Variants in SLIT2 observed in about 807,000 individuals in gnomAD.
SLIT2 encodes slit guidance ligand 2.
SLIT2 carries 41 observed loss-of-function variants against 185.7 expected under a neutral mutation model. That is an observed-to-expected ratio of 0.22 (90% CI 0.17 to 0.29). SLIT2 has a LOEUF of 0.29. SLIT2 is among the 10% of genes least tolerant of loss of function. SLIT2 has a pLI of 1.00. For synonymous variants in SLIT2, 693 were observed against 680.2 expected (o/e 1.02, Z -0.29); for missense variants, 1,571 against 1,909.0 (o/e 0.82, Z 3.30).
intron 26 of SLIT2, among the ~76,000 whole-genome samples, chr4:20,561,492 G>A (rs563260394): frequency 4.0e-5 from 6 of 151,816 alleles, no homozygotes; most frequent in East Asian, 3.9e-4. Context: ...GTCGTTAGTC[G>A]TTGAATTAAG....
intron 4 of SLIT2, among the ~76,000 whole-genome samples, chr4:20,381,725 G>T (rs1236599156): frequency 6.6e-6 from 1 of 152,078 alleles, no homozygotes; most frequent in Non-Finnish European, 1.5e-5. Context: ...AAGGCTGTAT[G>T]TCTTCATTGG....
chr4:20,267,767 G>A (rs778546796), intron 3 of SLIT2, among the ~76,000 whole-genome samples: 1 of 151,782 alleles, frequency 6.6e-6, no homozygotes, highest in African/African-American at 2.4e-5. Flanking sequence ...AGATTGATAT[G>A]CCCTCTTTTC....
In SLIT2 at chr4:20,440,088, A is replaced by G. The variant is rs537683732; in HGVS notation, c.396-27664A>G. Among the ~76,000 whole-genome samples the G allele has an allele frequency of 2.0e-5, 3 of 152,356 alleles. No homozygotes were observed. In the South Asian group the frequency reaches 6.2e-4, roughly 32 times the overall value. The stretch of plus-strand genomic sequence containing the variant: ...CAATTAATTGTTAAAAGTTCCAACT[A>G]TGAAATTTTGCTTTGGAAAGCAGTC... On this transcript the variant is annotated intron_variant, in intron 4 of 36. Coordinates refer to ENST00000504154, the MANE Select transcript of SLIT2 (RefSeq NM_004787.4).
intron 4 of SLIT2, among the ~76,000 whole-genome samples, chr4:20,288,218 A>C (rs993742321): frequency 2.6e-5 from 4 of 152,190 alleles, no homozygotes; most frequent in Non-Finnish European, 4.4e-5. Context: ...TACAGAGCCA[A>C]GTTTTTGTGG....
At chr4:20,380,462 A>C (rs1427805533) in intron 4 of SLIT2, among the ~76,000 whole-genome samples, 1 of 152,176 alleles carries the variant, frequency 6.6e-6, no homozygotes, top group Non-Finnish European at 1.5e-5. Context: ...CAATAGAAAA[A>C]GTTTCAGATA....
intron 4 of SLIT2, chr4:20,393,398 C>T (rs887891265): frequency 1.3e-5 from 2 of 151,996 alleles, no homozygotes; most frequent in Admixed American, 1.3e-4. Flanking sequence ...AAGCATTCTC[C>T]GAATATGATA....
chr4:20,365,930 G>A (rs1723082002), intron 4 of SLIT2, among the ~76,000 whole-genome samples: 1 of 152,102 alleles, frequency 6.6e-6, no homozygotes, highest in South Asian at 2.1e-4. Context: ...ATGTAGCTGT[G>A]TCTTAACACT....
intron 6 of SLIT2, among the ~76,000 whole-genome samples, chr4:20,482,766 T>G (rs560158943): frequency 3.5e-4 from 53 of 152,062 alleles, no homozygotes; most frequent in Middle Eastern, 6.8e-3. Flanking sequence ...CAATGTAAAT[T>G]TCTTCTAAAA....
Position 20,279,236 on chromosome 4 carries a change from T to C in SLIT2, c.395+10355T>C, listed in dbSNP as rs560777848. ...GTACTTGGCAGTGATTAGTTAAAAT[T>C]AACCTCCCATTTATATCACACTCTT... is the stretch of plus-strand genomic sequence containing the variant. On this transcript the variant is annotated intron_variant, in intron 4 of 36. Transcript: ENST00000504154. 6.4e-4 allele frequency among the ~76,000 whole-genome samples: 97 copies of C among 152,198 alleles called. No individual in the cohort carries two copies. In the South Asian group the frequency reaches 0.02, roughly 31 times the overall value.
chr4:20,563,840 T>G lies in SLIT2; in HGVS notation c.2726-3422T>G, dbSNP rs74990208. On this transcript the variant is annotated intron_variant, in intron 26 of 36. Transcript: ENST00000504154. ...GTACTTGCCGTAATTTTGTATTTGA[T>G]CTCACTAGGTTCCCTCCTTGACATT... 1.6e-3 allele frequency among the ~76,000 whole-genome samples: 249 copies of G among 151,880 alleles called. 7 individuals are homozygous for G. In the East Asian group the frequency reaches 0.042, roughly 25 times the overall value.
intron 4 of SLIT2, among the ~76,000 whole-genome samples, chr4:20,272,314 T>C (rs751958272): frequency 6.6e-6 from 1 of 151,726 alleles, no homozygotes; most frequent in Non-Finnish European, 1.5e-5. Context: ...TCTTAACTTA[T>C]AGACTCTATC....
At chr4:20,469,841 C>T (rs887854423) in intron 5 of SLIT2, among the ~76,000 whole-genome samples, 4 of 149,490 alleles carry the variant, frequency 2.7e-5, no homozygotes, top group South Asian at 2.1e-4. Flanking sequence ...CTGCAACCTC[C>T]ACCCCCCGGG....
At chr4:20,453,174 C>A (rs1473065471) in intron 4 of SLIT2, among the ~76,000 whole-genome samples, 1 of 152,060 alleles carries the variant, frequency 6.6e-6, no homozygotes. Context: ...GGTTTTGAAC[C>A]TATTATCCTT....
chr4:20,483,630 A>G (rs1178050847), intron 6 of SLIT2, among the ~76,000 whole-genome samples: 1 of 152,058 alleles, frequency 6.6e-6, no homozygotes, highest in Admixed American at 6.6e-5. Flanking sequence ...AACTCTGCCA[A>G]ACGATATGCA....
At chr4:20,500,412 T>C (rs1021630513) in intron 9 of SLIT2, among the ~76,000 whole-genome samples, 5 of 152,174 alleles carry the variant, frequency 3.3e-5, no homozygotes, top group Non-Finnish European at 7.4e-5. Context: ...ATTCCTGATA[T>C]TATTGCTACT....
chr4:20,358,134 C>T (rs1722477570), intron 4 of SLIT2, among the ~76,000 whole-genome samples: 2 of 152,080 alleles, frequency 1.3e-5, no homozygotes, highest in East Asian at 3.9e-4. Context: ...TCAGACCTAT[C>T]CCTTCATGTT....
chr4:20,371,078 G>A (rs77707773), intron 4 of SLIT2, among the ~76,000 whole-genome samples: 6,908 of 151,936 alleles, frequency 0.045, 378 homozygotes, highest in African/African-American at 0.13. Context: ...TCTCTAGTTG[G>A]GTCACTTCTT....
intron 4 of SLIT2, among the ~76,000 whole-genome samples, chr4:20,463,594 G>A (rs1328554485): frequency 4.8e-5 from 7 of 147,110 alleles, no homozygotes; most frequent in African/African-American, 1.5e-4. Flanking sequence ...AATTTTCAAG[G>A]CCGGGCACGG....
At chr4:20,434,487 C>CA (rs1353421281) in intron 4 of SLIT2, among the ~76,000 whole-genome samples, 2 of 151,000 alleles carry the variant, frequency 1.3e-5, no homozygotes, top group Admixed American at 6.6e-5. Flanking sequence ...AACTCTGTCT[C>CA]AAAAAAAGAA....
Sources: gnomAD v4.1 joint callset for allele counts (sites outside exome capture counted in the v4.1 genomes callset) on GRCh38, gnomAD v4.1.1 for gene constraint, MANE v1.5 for transcripts, NCBI Gene and HGNC (gene_info 2026-07-23, HGNC 2026-07-21) for gene names.